The following LEMD3 variants were observed in gnomAD, a reference collection of about 807,000 sequenced individuals.
LEMD3 encodes the protein LEM domain containing 3, also known as inner nuclear membrane protein Man1.
LEMD3 carries 33 observed loss-of-function variants against 95.2 expected under a neutral mutation model. That is an observed-to-expected ratio of 0.35 (90% confidence interval 0.26 to 0.46). LEMD3 has a LOEUF of 0.46. Among genes scored for constraint, LEMD3 ranks in the 20% least tolerant of loss-of-function variants. The probability of loss-of-function intolerance (pLI) is 1.00; values close to 1 mark genes in which losing one functional copy is unlikely to be tolerated. For synonymous variants in LEMD3, 525 were observed against 474.6 expected (o/e 1.11, Z -1.38); for missense variants, 1,210 against 1,192.8 (o/e 1.01, Z -0.21).
rs1489199490 is a variant in LEMD3 at position 65,169,608 on chromosome 12, A to G, written c.12A>G (p.Ala4=). The G allele has an allele frequency of 1.3e-6, 2 of 1,587,770 alleles. No homozygotes were observed. The highest frequency in any genetic ancestry group is 1.7e-6 in the Non-Finnish European group (2 of 1,169,364). The change falls in exon 1 of 13, where the codon GCA becomes GCG. Residue 4 remains alanine (A), a synonymous_variant. Transcript: ENST00000308330. ...ACCCTGGAGAGAAAATGGCGGCGGC[A>G]GCAGCTTCGGCGCCTCAGCAGCTCT... is the stretch of plus-strand genomic sequence containing the variant. MAA[A]AASAPQQLSD...
chr12:65,218,434 G>T, intron 3 of LEMD3, 118 bp from the exon 4 acceptor site: 1 of 558,868 alleles, frequency 1.8e-6, no homozygotes, highest in South Asian at 2.3e-5. Flanking sequence ...TTTCTTTACT[G>T]ATTATAATAA....
At chr12:65,244,095 T>C (rs917097842) in intron 10 of LEMD3, among the ~76,000 whole-genome samples, 1 of 152,222 alleles carries the variant, frequency 6.6e-6, no homozygotes, top group Non-Finnish European at 1.5e-5. Context: ...TATCCAGTGA[T>C]AGTACAGATC....
At chr12:65,189,940 T>C (rs957933645) in intron 1 of LEMD3, among the ~76,000 whole-genome samples, 1 of 152,136 alleles carries the variant, frequency 6.6e-6, no homozygotes, top group Non-Finnish European at 1.5e-5. Context: ...GTCCTCAAAA[T>C]ATTTTTAAAG....
In LEMD3 at chr12:65,170,289, C is replaced by A. The variant is rs750409065; in HGVS notation, c.693C>A (p.Asp231Glu). 2 of 1,575,708 alleles carry A rather than the reference C, an allele frequency of 1.3e-6. No individual in the cohort carries two copies. The highest frequency in any genetic ancestry group is 1.7e-6 in the Non-Finnish European group (2 of 1,160,930). Residue 231 changes from aspartate (D) to glutamate (E), a missense_variant, in exon 1 of 13, where the codon GAC (aspartate) becomes GAA (glutamate). Physicochemically the swap from Asp to Glu is conservative, Grantham distance 45. Coordinates refer to ENST00000308330, the MANE Select transcript of LEMD3 (RefSeq NM_014319.5). Reference sequence around the variant, plus strand: ...AGGGAGAGGACGGTGAGGAGAGGGACCCGGAGACCGAGGAGCCGCTCTGGG... The same window carrying A: ...AGGGAGAGGACGGTGAGGAGAGGGAACCGGAGACCGAGGAGCCGCTCTGGG... ...EGEGEDGEER[D>E]PETEEPLWAS...
intron 1 of LEMD3, among the ~76,000 whole-genome samples, chr12:65,202,468 C>A (rs1297815983): frequency 6.6e-6 from 1 of 151,646 alleles, no homozygotes; most frequent in East Asian, 1.9e-4. Context: ...ATATACTGTT[C>A]TTGTTATACT....
chr12:65,212,891 C>CA lies in LEMD3; in HGVS notation c.1560+1931dup, dbSNP rs145734914. ...AGTCAAAATGGAAGAAGAGTGTAAT[C>CA]AAACTGTAAACCAGTAAGTAAGTTT... On this transcript the variant is annotated intron_variant, in intron 2 of 12. Transcript: ENST00000308330. Among the ~76,000 whole-genome samples, 1,002 of 152,308 alleles carry CA rather than the reference C, an allele frequency of 6.6e-3. 11 individuals carry two copies. Among genetic ancestry groups the CA allele is most frequent in the African/African-American group, 0.023 (959 of 41,566 alleles).
At chr12:65,183,167 A>T (rs1020583245) in intron 1 of LEMD3, among the ~76,000 whole-genome samples, 9 of 152,194 alleles carry the variant, frequency 5.9e-5, no homozygotes. Context: ...AAAAGTTGAG[A>T]TTAATTTTAA....
chr12:65,172,572 T>C (rs1011300578), intron 1 of LEMD3, among the ~76,000 whole-genome samples: 1 of 151,988 alleles, frequency 6.6e-6, no homozygotes, highest in Non-Finnish European at 1.5e-5. Flanking sequence ...GGAGCATGAG[T>C]GTATTGTGTC....
chr12:65,234,304 A>C (rs1870712934), intron 4 of LEMD3, among the ~76,000 whole-genome samples: 1 of 152,358 alleles, frequency 6.6e-6, no homozygotes, highest in Admixed American at 6.5e-5. Context: ...GGACAAAAGA[A>C]AAAGCTGACC....
At chr12:65,240,691 G>A in intron 8 of LEMD3, 1 of 577,430 alleles carries the variant, frequency 1.7e-6, no homozygotes, top group Non-Finnish European at 3.1e-6. Context: ...AAAGCCAGTG[G>A]AGCTTTTGGG....
At chr12:65,214,111 C>T (rs1410408478) in intron 2 of LEMD3, among the ~76,000 whole-genome samples, 1 of 152,104 alleles carries the variant, frequency 6.6e-6, no homozygotes, top group Non-Finnish European at 1.5e-5. Context: ...TGTCACCAGG[C>T]TGGAGTACAG....
intron 1 of LEMD3, among the ~76,000 whole-genome samples, chr12:65,178,619 A>T (rs1242428936): frequency 6.6e-6 from 1 of 152,216 alleles, no homozygotes; most frequent in Admixed American, 6.5e-5. Flanking sequence ...ACTAACCCTT[A>T]CGTAGCATTA....
chr12:65,216,866 T>A (rs1201432423), intron 3 of LEMD3, among the ~76,000 whole-genome samples: 1 of 152,200 alleles, frequency 6.6e-6, no homozygotes, highest in Non-Finnish European at 1.5e-5. Flanking sequence ...GGGTTCTTAA[T>A]TCTGGTCAAT....
At chr12:65,172,413 CAG>C (rs1868579033) in intron 1 of LEMD3, among the ~76,000 whole-genome samples, 3 of 152,076 alleles carry the variant, frequency 2.0e-5, no homozygotes, top group Admixed American at 2.0e-4. Flanking sequence ...TTAGCCAACT[CAG>C]ATAAAGAGTA....
chr12:65,231,518 C>G (rs1159242507), intron 4 of LEMD3, among the ~76,000 whole-genome samples: 1 of 151,594 alleles, frequency 6.6e-6, no homozygotes, highest in African/African-American at 2.4e-5. Context: ...GATCTTGTCT[C>G]TACAAAAAAA....
intron 6 of LEMD3, 24 bp from the exon 7 acceptor site, chr12:65,239,905 A>G: frequency 6.7e-7 from 1 of 1,490,916 alleles, no homozygotes; most frequent in Non-Finnish European, 9.3e-7. Flanking sequence ...AATTTTTAAA[A>G]TACAAAGTAT....
rs777316626 is a variant in LEMD3, at chr12:65,171,061, G to T, written c.1465G>T (p.Gly489Ter). 6.2e-7 allele frequency: 1 copy of T among 1,614,016 alleles called. No individual in the cohort carries two copies. The change falls in exon 1 of 13, where the codon GGA (glycine) becomes TGA (stop). Residue 489 changes from glycine (G) to a stop codon, truncating the protein, a stop_gained. Coordinates refer to ENST00000308330, the MANE Select transcript of LEMD3 (RefSeq NM_014319.5). LOFTEE classifies it high-confidence loss of function. The stretch of plus-strand genomic sequence containing the variant: ...TGCCTGCTTATTTTTCCTAATACTG[G>T]GACTGACTTACCTAGGAATGAGAGG... Reference protein sequence around the residue: ...TAACLFFLILGLTYLGMRGTG... With the variant: ...TAACLFFLIL
chr12:65,216,172 A>G, intron 3 of LEMD3, 129 bp downstream of exon 3: 1 of 620,386 alleles, frequency 1.6e-6, no homozygotes, highest in East Asian at 3.0e-5. Context: ...AGTTTTCATT[A>G]CCTATACAGA....
At chr12:65,200,700 T>C (rs1362751560) in intron 1 of LEMD3, among the ~76,000 whole-genome samples, 1 of 152,324 alleles carries the variant, frequency 6.6e-6, no homozygotes, top group South Asian at 2.1e-4. Flanking sequence ...TTTTCATCTA[T>C]TTTGAATAGC....
Sources: allele counts gnomAD v4.1 joint callset (sites outside exome capture counted in the v4.1 genomes callset), GRCh38; gene constraint gnomAD v4.1.1; transcripts MANE v1.5; gene names NCBI Gene and HGNC (gene_info 2026-07-23, HGNC 2026-07-21).